ZDHHC3: variants seen among roughly 807,000 people sequenced by gnomAD.
ZDHHC3 encodes palmitoyltransferase ZDHHC3.
In ZDHHC3, 9 loss-of-function variants were observed where a neutral mutation model predicts 30.6. The ratio of observed to expected loss-of-function variants is 0.29; its 90% CI spans 0.18 to 0.51. The LOEUF (loss-of-function observed/expected upper bound fraction) is 0.51, where lower values mean the gene tolerates loss of function less well. ZDHHC3 is among the 20% of genes least tolerant of loss of function. ZDHHC3 has a pLI of 0.97. For missense variants in ZDHHC3, 246 were observed against 384.2 expected, an observed-to-expected ratio of 0.64 and a Z score of 3.01; for synonymous variants, 136 against 140.2, an observed-to-expected ratio of 0.97 and a Z score of 0.21.
At position 44,925,329 on chromosome 3, in the gene ZDHHC3, C is replaced by T. The variant is rs185071730; in HGVS notation, c.*1360G>A. The T allele has an allele frequency of 3.8e-4, 372 of 985,864 alleles. No homozygotes were observed. The highest frequency in any genetic ancestry group is 4.2e-4 in the Non-Finnish European group (352 of 829,932). The allele number at this position is 985,864 out of a possible 1,614,324, so 61.1% of individuals were successfully genotyped here. A position where few individuals can be genotyped will look rare whatever the true frequency, so the allele number is the denominator to read the frequency against. ...TTGAATAAACCTTAACTCCTACCCC[C>T]ACCCCAAGCAAAAGCTAAAAAAGGG... On this transcript the variant is annotated 3_prime_UTR_variant, in exon 7 of 7. Transcript: ENST00000424952.
chr3:44,949,457 A>C (rs1703244832), intron 2 of ZDHHC3, among the ~76,000 whole-genome samples: 1 of 152,216 alleles, frequency 6.6e-6, no homozygotes, highest in African/African-American at 2.4e-5. Flanking sequence ...GACCCTATGT[A>C]GGAGGATCAC....
intron 2 of ZDHHC3, chr3:44,958,457 C>A (rs1027650869): frequency 1.2e-6 from 1 of 806,472 alleles, no homozygotes; most frequent in Non-Finnish European, 2.1e-6. Flanking sequence ...TTGCTTTTCC[C>A]ATACAAGAAA....
At chr3:44,937,577 A>ATTTTTT (rs1702088178) in intron 3 of ZDHHC3, 1 of 147,602 alleles carries the variant, frequency 6.8e-6, no homozygotes, top group South Asian at 2.2e-4. Flanking sequence ...TTTTTTTAAA[A>ATTTTTT]AAAAAAGCTC....
chr3:44,924,675 C>T lies in ZDHHC3; in HGVS notation c.*2014G>A. 1 of 985,472 alleles carries T rather than the reference C, an allele frequency of 1.0e-6. No individual in the cohort carries two copies. The highest frequency in any genetic ancestry group is 1.2e-6 in the Non-Finnish European group (1 of 829,942). 61.0% of individuals were successfully genotyped at this position (985,472 alleles called of 1,614,324 possible). A position where few individuals can be genotyped will look rare whatever the true frequency, so the allele number is the denominator to read the frequency against. On this transcript the variant is annotated 3_prime_UTR_variant, in exon 7 of 7. Transcript: ENST00000424952. Reference sequence around the variant, plus strand: ...AATGCCCTGGAAGATGGAGTATTACCAATCTCTTCCCCCTAGGGGAGGGCC... The same window carrying T: ...AATGCCCTGGAAGATGGAGTATTACTAATCTCTTCCCCCTAGGGGAGGGCC...
chr3:44,958,761 C>G (rs1003451740), intron 2 of ZDHHC3: 7 of 1,235,720 alleles, frequency 5.7e-6, no homozygotes, highest in Non-Finnish European at 7.9e-6. Context: ...CAATCCTGAC[C>G]CAACCCTCCA....
At position 44,918,095 on chromosome 3, in the gene ZDHHC3, T is replaced by TC; in HGVS notation, c.*8593dup. 7.7e-7 allele frequency: 1 copy of TC among 1,305,370 alleles called. No individual in the cohort carries two copies. The highest frequency in any genetic ancestry group is 1.0e-6 in the Non-Finnish European group (1 of 988,952). 80.9% of individuals were successfully genotyped at this position (1,305,370 alleles called of 1,614,324 possible). A position where few individuals can be genotyped will look rare whatever the true frequency, so the allele number is the denominator to read the frequency against. On this transcript the variant is annotated 3_prime_UTR_variant, in exon 7 of 7. Transcript: ENST00000424952. The stretch of plus-strand genomic sequence containing the variant: ...AAGGTCTCCTTTACTGACTGCCAGC[T>TC]CCCCATGTGCTCCCTGGGCTGGTTC...
intron 1 of ZDHHC3, among the ~76,000 whole-genome samples, chr3:44,964,928 AAGAGTT>A (rs1704806883): frequency 1.3e-5 from 2 of 152,186 alleles, no homozygotes; most frequent in African/African-American, 4.8e-5. Context: ...CACCTGATAG[AAGAGTT>A]CACTGAAGCC....
At chr3:44,945,378 A>C in intron 2 of ZDHHC3, 86 bp from the exon 3 acceptor site, 2 of 1,568,194 alleles carry the variant, frequency 1.3e-6, no homozygotes, top group African/African-American at 1.3e-5. Flanking sequence ...ATTTGAAAGC[A>C]GCAACCACAC....
Position 44,921,353 on chromosome 3 carries a change from GTC to G in ZDHHC3, c.*5334_*5335del. 1.0e-6 allele frequency: 1 copy of G among 974,698 alleles called. No homozygotes were observed. Among genetic ancestry groups the G allele is most frequent in the Non-Finnish European group, 1.2e-6 (1 of 826,342 alleles). 60.4% of individuals were successfully genotyped at this position (974,698 alleles called of 1,614,324 possible). ...CTCAGGGAGCAGCCTATGCAAATGTGTCTCTTCATAGCGGGCCAGATAACACT... is the reference window on the plus strand; with the variant it reads ...CTCAGGGAGCAGCCTATGCAAATGTGTCTTCATAGCGGGCCAGATAACACT... On this transcript the variant is annotated 3_prime_UTR_variant, in exon 7 of 7. Transcript: ENST00000424952.
Position 44,929,360 on chromosome 3 carries a change from A to C in ZDHHC3, c.687T>G (p.Ile229Met). The C allele has an allele frequency of 1.2e-6, 2 of 1,614,114 alleles. No homozygotes were observed. The highest frequency in any genetic ancestry group is 8.5e-7 in the Non-Finnish European group (1 of 1,179,986). ...GGGTCCCAAACATCACTGATGTGAA[A>C]ATGAGGAAGAGCAGGCCCTCAAAGC... ...LLCFEGLLFL[I>M]FTSVMFGTQV... is the part of the protein sequence containing the mutation. The change falls in exon 6 of 7, where the codon ATT becomes ATG. Residue 229 changes from isoleucine (I) to methionine (M), a missense_variant. By Grantham distance (10) the Ile-to-Met change is conservative (BLOSUM62 1). Coordinates refer to ENST00000424952, the MANE Select transcript of ZDHHC3 (RefSeq NM_001135179.2).
At position 44,921,817 on chromosome 3, in the gene ZDHHC3, G is replaced by T. The variant is rs1316111587; in HGVS notation, c.*4872C>A. On this transcript the variant is annotated 3_prime_UTR_variant, in exon 7 of 7. Transcript: ENST00000424952. ...CATTTCAACCAAAGACTGAAGCCAGGACCCAAATACTTGGTCACCAGACTA... is the reference window on the plus strand; with the variant it reads ...CATTTCAACCAAAGACTGAAGCCAGTACCCAAATACTTGGTCACCAGACTA... 1.0e-6 allele frequency: 1 copy of T among 985,180 alleles called. No individual in the cohort carries two copies. Among genetic ancestry groups the T allele is most frequent in the Non-Finnish European group, 1.2e-6 (1 of 829,810 alleles). 61.0% of individuals were successfully genotyped at this position (985,180 alleles called of 1,614,324 possible).
At chr3:44,963,778 C>T (rs1314551331) in intron 1 of ZDHHC3, among the ~76,000 whole-genome samples, 2 of 152,186 alleles carry the variant, frequency 1.3e-5, no homozygotes, top group Non-Finnish European at 2.9e-5. Context: ...AGCACATGCT[C>T]TCAGAAGGGC....
Position 44,923,593 on chromosome 3 carries a change from G to C in ZDHHC3, c.*3096C>G. The C allele has an allele frequency of 1.0e-6, 1 of 966,920 alleles. No individual in the cohort carries two copies. Among genetic ancestry groups the C allele is most frequent in the South Asian group, 4.8e-5 (1 of 20,864 alleles). 59.9% of individuals were successfully genotyped at this position (966,920 alleles called of 1,614,324 possible). Reference sequence around the variant, plus strand: ...AAGGCAGGAAAATTGCTGGAGGCCGGGCATTTGAGACTAGCTAGGGCAACA... The same window carrying C: ...AAGGCAGGAAAATTGCTGGAGGCCGCGCATTTGAGACTAGCTAGGGCAACA... On this transcript the variant is annotated 3_prime_UTR_variant, in exon 7 of 7. Transcript: ENST00000424952.
intron 5 of ZDHHC3, among the ~76,000 whole-genome samples, chr3:44,930,139 A>G (rs1701369786): frequency 6.6e-6 from 1 of 152,204 alleles, no homozygotes; most frequent in African/African-American, 2.4e-5. Flanking sequence ...AGCCCCGGGG[A>G]CCTGAGGCCA....
At chr3:44,929,254 G>T in intron 6 of ZDHHC3, 52 bp downstream of exon 6, 1 of 1,602,258 alleles carries the variant, frequency 6.2e-7, no homozygotes. Context: ...CACTGACCCT[G>T]GGTCCTCCCC....
In ZDHHC3 at chr3:44,944,897, CCA is replaced by C. The variant is rs1227916439; in HGVS notation, c.431+269_431+270del. On this transcript the variant is annotated intron_variant, in intron 3 of 6. Transcript: ENST00000424952. The stretch of plus-strand genomic sequence containing the variant: ...ACATATATAAAAACAAAGGCCCTGC[CCA>C]GGTCCTATGTCAGGTGTGGCAGAGC... 2.6e-5 allele frequency among the ~76,000 whole-genome samples: 4 copies of C among 152,294 alleles called. No homozygotes were observed. In the East Asian group the frequency reaches 7.7e-4, roughly 29 times the overall value.
rs890245678 is a variant in ZDHHC3, at chr3:44,924,615, C to T, written c.*2074G>A. 4 of 985,264 alleles carry T rather than the reference C, an allele frequency of 4.1e-6. No homozygotes were observed. The African/African-American group carries it at 7.0e-5, about 17-fold the overall frequency. 61.0% of individuals were successfully genotyped at this position (985,264 alleles called of 1,614,324 possible). A position where few individuals can be genotyped will look rare whatever the true frequency, so the allele number is the denominator to read the frequency against. Reference sequence around the variant, plus strand: ...CTATCTACTGCATTCCTGAGAAATGCCAGGGGAAAAGAGCTAACCTGGCTC... The same window carrying T: ...CTATCTACTGCATTCCTGAGAAATGTCAGGGGAAAAGAGCTAACCTGGCTC... On this transcript the variant is annotated 3_prime_UTR_variant, in exon 7 of 7. Transcript: ENST00000424952.
chr3:44,950,667 T>C (rs995935098), intron 2 of ZDHHC3, among the ~76,000 whole-genome samples: 6 of 152,246 alleles, frequency 3.9e-5, no homozygotes, highest in African/African-American at 1.4e-4. Flanking sequence ...AGGAGTCTGA[T>C]GCATACACTT....
At position 44,959,346 on chromosome 3, in the gene ZDHHC3, C is replaced by G. The variant is rs757908485; in HGVS notation, c.91G>C (p.Gly31Arg). The change falls in exon 2 of 7, where the codon GGT becomes CGT. Residue 31 changes from glycine (G) to arginine (R), a missense_variant. Transcript: ENST00000424952. This position sits in a 1 kb window ranked among gnomAD's most constrained non-coding sequence, Gnocchi z 4.3. ...ATAAACCACATGGTTCCCACAGGAC[C>G]AGGGTAGGGGGGTGGGACACACTTC... ...PEKCVPPPYP[G>R]PVGTMWFIRD... 6 of 1,614,054 alleles carry G rather than the reference C, an allele frequency of 3.7e-6. No homozygotes were observed. The African/African-American group carries it at 8.0e-5, about 22-fold the overall frequency.
Sources: allele counts gnomAD v4.1 joint callset (sites outside exome capture counted in the v4.1 genomes callset), GRCh38; gene constraint gnomAD v4.1.1; non-coding constraint Gnocchi (gnomAD v3.1); transcripts MANE v1.5; gene names NCBI Gene and HGNC (gene_info 2026-07-23, HGNC 2026-07-21).